The following QTMAN variants were observed in gnomAD, a reference collection of about 807,000 sequenced individuals.
The protein encoded by QTMAN is queuosine-tRNA mannosyltransferase.
At chr2:144,118,711 C>T in the QTMAN span, among the ~76,000 whole-genome samples, 1 of 152,072 alleles carries the variant, frequency 6.6e-6, no homozygotes, top group Non-Finnish European at 1.5e-5. Context: ...GAAACCCCGT[C>T]TCTGCTAAAA....
At chr2:143,996,974 G>C in the QTMAN span, among the ~76,000 whole-genome samples, 2 of 152,190 alleles carry the variant, frequency 1.3e-5, no homozygotes, top group African/African-American at 4.8e-5. Flanking sequence ...TAGTTTTTCA[G>C]TTGAAGAGAC....
chr2:143,957,254 T>C, the QTMAN span: 1 of 1,612,848 alleles, frequency 6.2e-7, no homozygotes, highest in Non-Finnish European at 8.5e-7. Flanking sequence ...CCATGCACAG[T>C]ACTTGGAAAT....
the QTMAN span, among the ~76,000 whole-genome samples, chr2:144,043,160 G>C: frequency 6.6e-6 from 1 of 151,880 alleles, no homozygotes; most frequent in South Asian, 2.1e-4. Flanking sequence ...AATGACCGCA[G>C]TTTGGAGTAG....
the QTMAN span, among the ~76,000 whole-genome samples, chr2:144,158,668 A>C: frequency 9.9e-5 from 15 of 152,164 alleles, no homozygotes; most frequent in African/African-American, 3.4e-4. Flanking sequence ...TGCAACAGAT[A>C]CATTACTTCA....
chr2:144,215,967 C>A, the QTMAN span, among the ~76,000 whole-genome samples: 1 of 152,152 alleles, frequency 6.6e-6, no homozygotes, highest in Non-Finnish European at 1.5e-5. Context: ...CAACACATGG[C>A]AATTAAGACT....
chr2:144,179,030 C>T, the QTMAN span: 26 of 455,708 alleles, frequency 5.7e-5, no homozygotes, highest in African/African-American at 1.0e-4. Flanking sequence ...TAAATTATTA[C>T]GGCTAGCATT....
chr2:144,188,302 C>A, the QTMAN span, among the ~76,000 whole-genome samples: 1 of 151,908 alleles, frequency 6.6e-6, no homozygotes, highest in South Asian at 2.1e-4. Flanking sequence ...TAAGCTTTCA[C>A]AACATTGAAA....
At chr2:144,184,531 G>T in the QTMAN span, among the ~76,000 whole-genome samples, 1 of 152,166 alleles carries the variant, frequency 6.6e-6, no homozygotes, top group African/African-American at 2.4e-5. Flanking sequence ...TCTATTAAAA[G>T]AATATTTGAA....
the QTMAN span, chr2:144,294,604 T>TTGTGTGTG: frequency 2.1e-5 from 3 of 144,204 alleles, no homozygotes; most frequent in South Asian, 2.1e-4. Context: ...ATGTTTCATT[T>TTGTGTGTG]TGTGTGTGTG....
At chr2:144,054,972 GTTT>G in the QTMAN span, among the ~76,000 whole-genome samples, 3,163 of 152,248 alleles carry the variant, frequency 0.021, 51 homozygotes, top group Non-Finnish European at 0.033. Flanking sequence ...GGGGGCTGTT[GTTT>G]AATAAGATTG....
chr2:144,133,426 AT>A, the QTMAN span, among the ~76,000 whole-genome samples: 1 of 45,230 alleles, frequency 2.2e-5, no homozygotes, highest in Non-Finnish European at 3.2e-5. Context: ...TATAATATAT[AT>A]AATATATAAT....
the QTMAN span, among the ~76,000 whole-genome samples, chr2:144,260,463 G>A: frequency 4.6e-5 from 7 of 152,022 alleles, no homozygotes; most frequent in African/African-American, 7.2e-5. Context: ...TTTTTATAGT[G>A]AGTACATAAT....
the QTMAN span, among the ~76,000 whole-genome samples, chr2:143,980,733 CAAT>C: frequency 1.1e-4 from 17 of 152,296 alleles, no homozygotes; most frequent in East Asian, 2.9e-3. Context: ...TTTTATAGTA[CAAT>C]GTTTTCACGT....
At chr2:144,091,174 A>T in the QTMAN span, among the ~76,000 whole-genome samples, 1 of 152,054 alleles carries the variant, frequency 6.6e-6, no homozygotes, top group Non-Finnish European at 1.5e-5. Flanking sequence ...AAAAAAAAAA[A>T]TTTGGATTCA....
At chr2:144,034,553 C>T in the QTMAN span, among the ~76,000 whole-genome samples, 2 of 152,064 alleles carry the variant, frequency 1.3e-5, no homozygotes, top group East Asian at 3.9e-4. Flanking sequence ...TGGAGGGTTG[C>T]CAGTTACCAC....
At chr2:144,198,998 T>C in the QTMAN span, among the ~76,000 whole-genome samples, 46 of 152,054 alleles carry the variant, frequency 3.0e-4, no homozygotes, top group Admixed American at 1.3e-4. Context: ...TCCCCTTAGA[T>C]CTATGTCAGA....
At chr2:144,297,967 A>G in the QTMAN span, among the ~76,000 whole-genome samples, 1 of 152,144 alleles carries the variant, frequency 6.6e-6, no homozygotes, top group Non-Finnish European at 1.5e-5. Context: ...TATTATACCA[A>G]TGGTAAAGAC....
chr2:143,954,119 G>A, the QTMAN span, among the ~76,000 whole-genome samples: 3 of 151,726 alleles, frequency 2.0e-5, no homozygotes, highest in Non-Finnish European at 4.4e-5. Context: ...GATACATAGG[G>A]TACACACAGA....
the QTMAN span, among the ~76,000 whole-genome samples, chr2:144,095,240 T>A: frequency 1.3e-5 from 2 of 152,232 alleles, no homozygotes; most frequent in East Asian, 3.8e-4. Context: ...CACTTTTATA[T>A]GTCCATTACA....
Sources: allele counts gnomAD v4.1 joint callset (sites outside exome capture counted in the v4.1 genomes callset), GRCh38; gene constraint gnomAD v4.1.1; transcripts MANE v1.5; gene names NCBI Gene and HGNC (gene_info 2026-07-23, HGNC 2026-07-21).